The following ZNF804A variants were observed in gnomAD, a reference collection of about 807,000 sequenced individuals.
The protein encoded by ZNF804A is zinc finger protein 804A.
ZNF804A carries 2 observed loss-of-function variants against 16.5 expected under a neutral mutation model. That is an observed-to-expected ratio of 0.12 (90% CI 0.05 to 0.38). ZNF804A has a LOEUF of 0.38. ZNF804A is among the 10% of genes least tolerant of loss of function. ZNF804A has a pLI of 0.99. For missense variants in ZNF804A, 1,473 were observed against 1,390.7 expected (o/e 1.06, Z -0.94); for synonymous variants, 534 against 489.6 (o/e 1.09, Z -1.20).
At chr2:184,743,395 C>A (rs961919735) in intron 1 of ZNF804A, among the ~76,000 whole-genome samples, 4 of 151,932 alleles carry the variant, frequency 2.6e-5, no homozygotes, top group African/African-American at 9.7e-5. Context: ...ATAGTTGATG[C>A]CTTTGAACAG....
At chr2:184,930,076 C>A (rs1327353568) in intron 2 of ZNF804A, among the ~76,000 whole-genome samples, 1 of 152,012 alleles carries the variant, frequency 6.6e-6, no homozygotes, top group East Asian at 1.9e-4. Context: ...AAAATATTTT[C>A]TTTAATTAAA....
intron 2 of ZNF804A, among the ~76,000 whole-genome samples, chr2:184,876,926 C>T (rs189424051): frequency 9.2e-5 from 14 of 152,174 alleles, no homozygotes; most frequent in East Asian, 1.9e-4. Context: ...TCTAATTTTA[C>T]GGATTTCATT....
chr2:184,761,771 A>G (rs1412316075), intron 1 of ZNF804A, among the ~76,000 whole-genome samples: 4 of 152,132 alleles, frequency 2.6e-5, no homozygotes, highest in Non-Finnish European at 5.9e-5. Context: ...AATGTAGATG[A>G]TGTAAGTGTC....
intron 1 of ZNF804A, among the ~76,000 whole-genome samples, chr2:184,699,027 G>T (rs187944480): frequency 5.3e-5 from 8 of 152,122 alleles, no homozygotes; most frequent in African/African-American, 1.9e-4. Flanking sequence ...ATCATGAAGT[G>T]CATAGTTATA....
rs369285853 is a variant in ZNF804A at position 184,741,123 on chromosome 2, A to T, written c.112-125246A>T. On this transcript the variant is annotated intron_variant, in intron 1 of 3. Transcript: ENST00000302277. ...CTTGTGACACAAACTGCAAATTTAGATGTTCCCAAGATTATCCTCAGTTTC... is the reference window on the plus strand; with the variant it reads ...CTTGTGACACAAACTGCAAATTTAGTTGTTCCCAAGATTATCCTCAGTTTC... Among the ~76,000 whole-genome samples, 11 of 152,304 alleles carry T rather than the reference A, an allele frequency of 7.2e-5. 2 individuals are homozygous for T.
chr2:184,748,259 T>G (rs1693823303), intron 1 of ZNF804A, among the ~76,000 whole-genome samples: 1 of 150,360 alleles, frequency 6.7e-6, no homozygotes, highest in South Asian at 2.1e-4. Flanking sequence ...ATTAACATTT[T>G]CTTTTCTCCA....
In ZNF804A at chr2:184,938,638, TGCA is replaced by T; in HGVS notation, c.3245_3247del (p.Gln1082del). On this transcript the variant is annotated inframe_deletion, in exon 4 of 4. Coordinates refer to ENST00000302277, the MANE Select transcript of ZNF804A (RefSeq NM_194250.2). ...GCCCTCCCACCCCCTAGCACACCTC[TGCA>T]GCCTTTGCCTTTGCAGCAGTCCTTA... 2 of 1,614,028 alleles carry T rather than the reference TGCA, an allele frequency of 1.2e-6. No homozygotes were observed. Among genetic ancestry groups the T allele is most frequent in the Non-Finnish European group, 1.7e-6 (2 of 1,179,986 alleles).
intron 1 of ZNF804A, among the ~76,000 whole-genome samples, chr2:184,728,676 A>C (rs950687250): frequency 2.0e-5 from 3 of 151,964 alleles, no homozygotes; most frequent in African/African-American, 7.2e-5. Context: ...CATTGGAAGA[A>C]GTTTCTTTCT....
rs187816303 is a variant in ZNF804A at position 184,909,662 on chromosome 2, A to G, written c.256-23941A>G. On this transcript the variant is annotated intron_variant, in intron 2 of 3. Transcript: ENST00000302277. ...TTATTTTGTCTTAATTTACAAGATA[A>G]ATTCACCTCTGGGTCAATTTTCTCA... Among the ~76,000 whole-genome samples, 942 of 152,158 alleles carry G rather than the reference A, an allele frequency of 6.2e-3. 9 individuals are homozygous for G. The highest frequency in any genetic ancestry group is 0.061 in the Middle Eastern group (18 of 294).
intron 2 of ZNF804A, among the ~76,000 whole-genome samples, chr2:184,897,642 C>G (rs898918034): frequency 6.6e-6 from 1 of 151,980 alleles, no homozygotes; most frequent in African/African-American, 2.4e-5. Flanking sequence ...TTTTTTATTT[C>G]AATCATTAAT....
chr2:184,904,677 C>A (rs567285870), intron 2 of ZNF804A, among the ~76,000 whole-genome samples: 9 of 151,966 alleles, frequency 5.9e-5, no homozygotes, highest in Non-Finnish European at 1.3e-4. Context: ...TCTAATCGAT[C>A]ATTAATTAAT....
intron 1 of ZNF804A, among the ~76,000 whole-genome samples, chr2:184,832,831 G>GA (rs1695286400): frequency 6.6e-6 from 1 of 151,740 alleles, no homozygotes; most frequent in Non-Finnish European, 1.5e-5. Flanking sequence ...CTTTTTCCAT[G>GA]ATTCTCTATA....
intron 2 of ZNF804A, among the ~76,000 whole-genome samples, chr2:184,893,886 AACTG>A (rs1352385066): frequency 6.6e-6 from 1 of 152,162 alleles, no homozygotes; most frequent in Non-Finnish European, 1.5e-5. Context: ...GATACATGGT[AACTG>A]ATTCTGTAAC....
At chr2:184,714,260 C>T (rs72901814) in intron 1 of ZNF804A, among the ~76,000 whole-genome samples, 7,867 of 152,036 alleles carry the variant, frequency 0.052, 260 homozygotes, top group Non-Finnish European at 0.077. Context: ...TCATCTTACT[C>T]CCTCTGACAA....
intron 1 of ZNF804A, among the ~76,000 whole-genome samples, chr2:184,800,307 A>G (rs1694703912): frequency 6.6e-6 from 1 of 151,478 alleles, no homozygotes; most frequent in Non-Finnish European, 1.5e-5. Flanking sequence ...GTATTTTTTA[A>G]GTATTATTAT....
chr2:184,667,368 T>C (rs976137294), intron 1 of ZNF804A, among the ~76,000 whole-genome samples: 3 of 151,902 alleles, frequency 2.0e-5, no homozygotes, highest in African/African-American at 4.8e-5. Flanking sequence ...AAGTAATTAA[T>C]GGTTTTTAAA....
chr2:184,931,360 A>C (rs1272788111), intron 2 of ZNF804A, among the ~76,000 whole-genome samples: 1 of 152,222 alleles, frequency 6.6e-6, no homozygotes, highest in Non-Finnish European at 1.5e-5. Flanking sequence ...CCTGGACATC[A>C]GGCATTTTCA....
chr2:184,824,194 AAAATT>A (rs1252938867), intron 1 of ZNF804A, among the ~76,000 whole-genome samples: 1 of 152,150 alleles, frequency 6.6e-6, no homozygotes, highest in Non-Finnish European at 1.5e-5. Context: ...TGCCACACTG[AAAATT>A]AAATTAAATT....
chr2:184,627,525 G>A (rs1211895179), intron 1 of ZNF804A, among the ~76,000 whole-genome samples: 7 of 152,008 alleles, frequency 4.6e-5, no homozygotes, highest in Admixed American at 3.9e-4. Flanking sequence ...ATCTTGCCTT[G>A]AAATGAATTG....
Sources: allele counts gnomAD v4.1 joint callset (sites outside exome capture counted in the v4.1 genomes callset), GRCh38; gene constraint gnomAD v4.1.1; transcripts MANE v1.5; gene names NCBI Gene and HGNC (gene_info 2026-07-23, HGNC 2026-07-21).